MALRD1: variants seen among roughly 807,000 people sequenced by gnomAD.
MALRD1 encodes the protein MAM and LDL-receptor class A domain-containing protein 1.
A neutral mutation model predicts 242.1 loss-of-function variants in MALRD1; 247 were observed. That is an observed-to-expected ratio of 1.02 (90% CI 0.92 to 1.13). The LOEUF (loss-of-function observed/expected upper bound fraction) is 1.13. Among genes scored for constraint, MALRD1 ranks in the 50% most tolerant of loss-of-function variants. MALRD1 has a pLI of 0.00. For synonymous variants in MALRD1, 995 were observed against 866.6 expected, an observed-to-expected ratio of 1.15 and a Z score of -2.60; for missense variants, 2,989 against 2,533.1, an observed-to-expected ratio of 1.18 and a Z score of -3.86.
chr10:19,117,405 G>A (rs1374343582), intron 5 of MALRD1, among the ~76,000 whole-genome samples: 1 of 151,012 alleles, frequency 6.6e-6, no homozygotes, highest in Non-Finnish European at 1.5e-5. Flanking sequence ...CATGCAATTT[G>A]TACTCAACTG....
chr10:19,515,569 A>AT (rs1169481675), intron 31 of MALRD1, among the ~76,000 whole-genome samples: 2 of 149,792 alleles, frequency 1.3e-5, no homozygotes, highest in African/African-American at 2.5e-5. Context: ...TTATTTATTT[A>AT]TTTTTTTTGA....
intron 18 of MALRD1, among the ~76,000 whole-genome samples, chr10:19,215,985 G>T: frequency 6.6e-6 from 1 of 151,462 alleles, no homozygotes; most frequent in African/African-American, 2.4e-5. Context: ...TACCTATTCT[G>T]ACTTCAGTCA....
intron 38 of MALRD1, among the ~76,000 whole-genome samples, chr10:19,717,950 GA>G (rs1398365637): frequency 6.6e-6 from 1 of 151,912 alleles, no homozygotes; most frequent in African/African-American, 2.4e-5. Flanking sequence ...CCAGGAGGTG[GA>G]GGCTGCAGTG....
chr10:19,328,978 C>A (rs922849270), intron 23 of MALRD1, among the ~76,000 whole-genome samples: 3 of 152,152 alleles, frequency 2.0e-5, no homozygotes, highest in African/African-American at 7.2e-5. Context: ...TTAACTAGTT[C>A]TGTGCATGTA....
chr10:19,450,431 C>A lies in MALRD1; in HGVS notation c.4970C>A (p.Thr1657Lys), dbSNP rs1475211745. 1.2e-5 allele frequency: 19 copies of A among 1,550,588 alleles called. No individual in the cohort carries two copies. The highest frequency in any genetic ancestry group is 1.7e-4 in the Middle Eastern group (1 of 5,972). The change falls in exon 29 of 40, where the codon ACA becomes AAA. Residue 1657 changes from threonine (T) to lysine (K), a missense_variant. Transcript: ENST00000454679. Reference sequence around the variant, plus strand: ...GAAGTCATATTTCAAGGTATCAGAACAAGGGACCTGGGAGGAGGAGCTGCA... The same window carrying A: ...GAAGTCATATTTCAAGGTATCAGAAAAAGGGACCTGGGAGGAGGAGCTGCA... The part of the protein sequence containing the change: ...NFEVIFQGIR[T>K]RDLGGGAAID...
chr10:19,114,267 G>A (rs905226279), intron 5 of MALRD1, among the ~76,000 whole-genome samples: 1 of 152,130 alleles, frequency 6.6e-6, no homozygotes, highest in Non-Finnish European at 1.5e-5. Flanking sequence ...AGACATACAG[G>A]TACTTTTGCC....
Position 19,522,823 on chromosome 10 carries a change from C to T in MALRD1, c.5321-8371C>T, listed in dbSNP as rs1480263982. Among the ~76,000 whole-genome samples the T allele has an allele frequency of 3.3e-5, 5 of 152,116 alleles. No homozygotes were observed. The East Asian group carries it at 9.6e-4, about 29-fold the overall frequency. ...TTAACTCAGGCAGTTTGACTCAGAG[C>T]TGGTCTTTAAAACAATACATATTAT... On this transcript the variant is annotated intron_variant, in intron 31 of 39. Transcript: ENST00000454679.
chr10:19,698,107 C>T (rs879856620), intron 38 of MALRD1, among the ~76,000 whole-genome samples: 1 of 152,166 alleles, frequency 6.6e-6, no homozygotes, highest in Admixed American at 6.6e-5. Context: ...GACTTTCCAG[C>T]TGAATATTTC....
At chr10:19,191,405 G>T (rs1184851168) in intron 14 of MALRD1, among the ~76,000 whole-genome samples, 1 of 152,110 alleles carries the variant, frequency 6.6e-6, no homozygotes, top group Admixed American at 6.6e-5. Context: ...AATGTAAAAT[G>T]GCATAGCTAC....
At chr10:19,465,829 T>C (rs908185044) in intron 29 of MALRD1, among the ~76,000 whole-genome samples, 2 of 152,188 alleles carry the variant, frequency 1.3e-5, no homozygotes, top group African/African-American at 2.4e-5. Flanking sequence ...ATGCTTGGCC[T>C]CTCCAGAGTC....
intron 18 of MALRD1, among the ~76,000 whole-genome samples, chr10:19,243,582 A>G (rs1838898287): frequency 6.6e-6 from 1 of 151,842 alleles, no homozygotes; most frequent in Non-Finnish European, 1.5e-5. Flanking sequence ...TCATGTTGTT[A>G]CACATAGTTA....
At chr10:19,419,438 G>A (rs997808411) in intron 28 of MALRD1, among the ~76,000 whole-genome samples, 1 of 152,104 alleles carries the variant, frequency 6.6e-6, no homozygotes, top group Non-Finnish European at 1.5e-5. Flanking sequence ...ATGACTACAG[G>A]TGCATGCCAC....
chr10:19,650,276 G>A (rs997606768), intron 36 of MALRD1, among the ~76,000 whole-genome samples: 9 of 152,092 alleles, frequency 5.9e-5, no homozygotes, highest in African/African-American at 2.2e-4. Context: ...AAATATCACT[G>A]AAAGCGAACA....
intron 32 of MALRD1, among the ~76,000 whole-genome samples, chr10:19,547,390 C>A (rs1484924281): frequency 2.6e-5 from 4 of 152,078 alleles, no homozygotes; most frequent in African/African-American, 9.7e-5. Flanking sequence ...AACACCCAGT[C>A]ACTAGGGATT....
At chr10:19,322,625 G>A (rs899508260) in intron 21 of MALRD1, among the ~76,000 whole-genome samples, 1 of 152,122 alleles carries the variant, frequency 6.6e-6, no homozygotes, top group Admixed American at 6.6e-5. Flanking sequence ...GGAGGCCTGA[G>A]GCCAAACCCT....
rs1841980325 is a variant in MALRD1 at position 19,302,211 on chromosome 10, C to T, written c.3419+19030C>T. Among the ~76,000 whole-genome samples, 3 of 151,780 alleles carry T rather than the reference C, an allele frequency of 2.0e-5. No individual in the cohort carries two copies. The South Asian group carries it at 6.2e-4, about 31-fold the overall frequency. On this transcript the variant is annotated intron_variant, in intron 21 of 39. Transcript: ENST00000454679. ...AACTGTGAACATTGTCTGGCAGTTTCTTAAAAAGTCAAACAGAATTATATG... is the reference window on the plus strand; with the variant it reads ...AACTGTGAACATTGTCTGGCAGTTTTTTAAAAAGTCAAACAGAATTATATG...
intron 38 of MALRD1, among the ~76,000 whole-genome samples, chr10:19,698,633 CA>C (rs1833482327): frequency 6.6e-6 from 1 of 152,090 alleles, no homozygotes; most frequent in African/African-American, 2.4e-5. Context: ...TACCCAAAAC[CA>C]ATGATGGAAA....
intron 32 of MALRD1, among the ~76,000 whole-genome samples, 178 bp from the exon 33 acceptor site, chr10:19,567,324 G>T (rs993144799): frequency 6.6e-6 from 1 of 151,874 alleles, no homozygotes; most frequent in African/African-American, 2.4e-5. Context: ...ACTAACCCAG[G>T]AAAATATAAC....
chr10:19,350,555 G>A (rs972136882), intron 25 of MALRD1, among the ~76,000 whole-genome samples: 1 of 152,048 alleles, frequency 6.6e-6, no homozygotes, highest in Non-Finnish European at 1.5e-5. Flanking sequence ...GGGATTACAG[G>A]TGTGAGCCAC....
Sources: allele counts gnomAD v4.1 joint callset (sites outside exome capture counted in the v4.1 genomes callset), GRCh38; gene constraint gnomAD v4.1.1; transcripts MANE v1.5; gene names NCBI Gene and HGNC (gene_info 2026-07-23, HGNC 2026-07-21).